ZFYVE9: variants seen among roughly 807,000 people sequenced by gnomAD.
The protein encoded by ZFYVE9 is zinc finger FYVE-type containing 9.
Under a neutral mutation model 126.7 loss-of-function variants are expected in ZFYVE9, and 43 were observed. The ratio of observed to expected loss-of-function variants is 0.34; its 90% CI spans 0.27 to 0.44. The LOEUF is 0.44. ZFYVE9 is among the 20% of genes least tolerant of loss of function. ZFYVE9 has a pLI of 1.00. For missense variants in ZFYVE9, 1,476 were observed against 1,697.0 expected (o/e 0.87, Z 2.29); for synonymous variants, 521 against 597.4 (o/e 0.87, Z 1.87).
intron 2 of ZFYVE9, among the ~76,000 whole-genome samples, chr1:52,227,959 C>T (rs553584473): frequency 6.6e-6 from 1 of 152,188 alleles, no homozygotes; most frequent in Admixed American, 6.5e-5. Context: ...TTTGATACTC[C>T]TATGGACTGC....
intron 1 of ZFYVE9, among the ~76,000 whole-genome samples, chr1:52,171,576 C>T (rs985313001): frequency 1.3e-5 from 2 of 152,188 alleles, no homozygotes; most frequent in Admixed American, 6.5e-5. Context: ...AATTGCCACA[C>T]TGACTTCCAC....
At chr1:52,319,484 C>T (rs1401739818) in intron 13 of ZFYVE9, among the ~76,000 whole-genome samples, 1 of 151,196 alleles carries the variant, frequency 6.6e-6, no homozygotes, top group South Asian at 2.1e-4. Flanking sequence ...ATTAGCTGGG[C>T]GTGGTGGCGC....
At chr1:52,340,385 C>G (rs1208783824) in intron 17 of ZFYVE9, among the ~76,000 whole-genome samples, 154 bp downstream of exon 17, 1 of 152,178 alleles carries the variant, frequency 6.6e-6, no homozygotes, top group African/African-American at 2.4e-5. Context: ...CTGAAATCAC[C>G]AGGAAGAAAT....
chr1:52,180,260 T>C, intron 1 of ZFYVE9: 1 of 1,601,852 alleles, frequency 6.2e-7, no homozygotes, highest in East Asian at 2.2e-5. Context: ...GGAAGTTTCC[T>C]GATGTCAAAT....
intron 4 of ZFYVE9, among the ~76,000 whole-genome samples, chr1:52,244,319 G>C (rs1645362988): frequency 6.6e-6 from 1 of 152,152 alleles, no homozygotes; most frequent in Admixed American, 6.5e-5. Flanking sequence ...TGATTCTCTA[G>C]AAAAGAAGTT....
intron 1 of ZFYVE9, among the ~76,000 whole-genome samples, chr1:52,171,949 T>C (rs1198711220): frequency 6.6e-6 from 1 of 152,172 alleles, no homozygotes; most frequent in Admixed American, 6.5e-5. Flanking sequence ...ATTTTGTAGG[T>C]TGCCTGTTCA....
At chr1:52,226,260 C>G (rs1645169655) in intron 2 of ZFYVE9, among the ~76,000 whole-genome samples, 1 of 152,186 alleles carries the variant, frequency 6.6e-6, no homozygotes, top group South Asian at 2.1e-4. Flanking sequence ...TGCTGGCATT[C>G]ACCCGTGCAA....
rs1344712215 is a variant in ZFYVE9 at position 52,233,296 on chromosome 1, A to G, written c.70+20A>G. 6.4e-7 allele frequency: 1 copy of G among 1,555,928 alleles called. No individual in the cohort carries two copies. The highest frequency in any genetic ancestry group is 1.2e-5 in the South Asian group (1 of 80,540). On this transcript the variant is annotated intron_variant, in intron 3 of 18. Coordinates refer to ENST00000287727, the MANE Select transcript of ZFYVE9 (RefSeq NM_004799.4). ...ACGAAGGTGAGAATTTATATTGGTGAATCTGTTTGCCTATGTGGTATAGAG... is the reference window on the plus strand; with the variant it reads ...ACGAAGGTGAGAATTTATATTGGTGGATCTGTTTGCCTATGTGGTATAGAG...
At chr1:52,337,029 G>A (rs1161315286) in intron 15 of ZFYVE9, among the ~76,000 whole-genome samples, 1 of 150,984 alleles carries the variant, frequency 6.6e-6, no homozygotes, top group Non-Finnish European at 1.5e-5. Context: ...AAAATTATGT[G>A]TTTATGTGTC....
chr1:52,143,266 C>G (rs2124483500), intron 1 of ZFYVE9, among the ~76,000 whole-genome samples: 1 of 152,166 alleles, frequency 6.6e-6, no homozygotes, highest in Admixed American at 6.6e-5. Flanking sequence ...CTAATAAATA[C>G]CTGAAGGAAA....
chr1:52,267,494 A>G (rs1459663141), intron 6 of ZFYVE9, among the ~76,000 whole-genome samples: 1 of 152,196 alleles, frequency 6.6e-6, no homozygotes, highest in Non-Finnish European at 1.5e-5. Flanking sequence ...TTTCCTTAAA[A>G]TGATCTTATC....
At chr1:52,301,153 C>T (rs1489159736) in intron 12 of ZFYVE9, among the ~76,000 whole-genome samples, 1 of 151,996 alleles carries the variant, frequency 6.6e-6, no homozygotes, top group African/African-American at 2.4e-5. Context: ...AGCCACCATG[C>T]TCAGCCCGAG....
At position 52,296,176 on chromosome 1, in the gene ZFYVE9, T is replaced by C. The variant is rs933006344; in HGVS notation, c.3333+199T>C. On this transcript the variant is annotated intron_variant, in intron 12 of 18. Coordinates refer to ENST00000287727, the MANE Select transcript of ZFYVE9 (RefSeq NM_004799.4). Reference sequence around the variant, plus strand: ...ACATATACATATATATTCATATGTATACACACACACACACACACATATATA... The same window carrying C: ...ACATATACATATATATTCATATGTACACACACACACACACACACATATATA... Among the ~76,000 whole-genome samples, 5 of 150,136 alleles carry C rather than the reference T, an allele frequency of 3.3e-5. No homozygotes were observed. In the East Asian group the frequency reaches 7.8e-4, roughly 23 times the overall value.
chr1:52,239,227 C>G lies in ZFYVE9; in HGVS notation c.1810C>G (p.Pro604Ala). The change falls in exon 4 of 19, where the codon CCT becomes GCT. Residue 604 changes from proline to alanine, a missense_variant. Around this residue, in one of 2 missense-constraint regions of ZFYVE9, gnomAD observed 807 missense variants for 794.6 expected, o/e 1.02. Transcript: ENST00000287727. ...PLSDHLQNDF[P>A]ANSGNNTKNK... is the part of the protein sequence containing the mutation. ...ATCAGACCATTTACAAAATGACTTT[C>G]CTGCAAACAGTGGAAATAATACTAA... 1 of 1,614,050 alleles carries G rather than the reference C, an allele frequency of 6.2e-7. No homozygotes were observed. The highest frequency in any genetic ancestry group is 8.5e-7 in the Non-Finnish European group (1 of 1,180,002).
chr1:52,246,898 G>A (rs951420236), intron 4 of ZFYVE9, among the ~76,000 whole-genome samples: 16 of 152,060 alleles, frequency 1.1e-4, no homozygotes, highest in African/African-American at 2.7e-4. Context: ...AGTAGAGACG[G>A]GGTTTCATCA....
intron 16 of ZFYVE9, among the ~76,000 whole-genome samples, chr1:52,339,456 A>AT (rs1646416114): frequency 6.6e-6 from 1 of 151,934 alleles, no homozygotes; most frequent in Non-Finnish European, 1.5e-5. Flanking sequence ...TGCCTGGCTA[A>AT]TTTTTTGTGT....
chr1:52,315,522 A>G (rs1646175578), intron 13 of ZFYVE9, among the ~76,000 whole-genome samples: 1 of 152,156 alleles, frequency 6.6e-6, no homozygotes, highest in Non-Finnish European at 1.5e-5. Context: ...AAGGCCAGGG[A>G]AGAGGATATG....
chr1:52,156,824 A>G (rs1288527233), intron 1 of ZFYVE9, among the ~76,000 whole-genome samples: 2 of 148,062 alleles, frequency 1.4e-5, no homozygotes, highest in Non-Finnish European at 3.0e-5. Context: ...TCCTTTCCCC[A>G]CTTTAGTGAC....
chr1:52,319,136 G>A (rs1236786897), intron 13 of ZFYVE9, among the ~76,000 whole-genome samples: 2 of 151,920 alleles, frequency 1.3e-5, no homozygotes, highest in Non-Finnish European at 2.9e-5. Context: ...ACATAATTTG[G>A]GATAAATTTC....
Sources: gnomAD v4.1 joint callset for allele counts (sites outside exome capture counted in the v4.1 genomes callset) on GRCh38, gnomAD v4.1.1 for gene constraint, gnomAD v4.1.1 regional missense constraint, MANE v1.5 for transcripts, NCBI Gene and HGNC (gene_info 2026-07-23, HGNC 2026-07-21) for gene names.